BMPR1A: variants seen among roughly 807,000 people sequenced by gnomAD.
The protein encoded by BMPR1A is bone morphogenetic protein receptor type-1A.
BMPR1A carries 7 observed loss-of-function variants against 66.0 expected under a neutral mutation model. The observed-to-expected ratio is 0.11, with a 90% CI of 0.06 to 0.20. The LOEUF (loss-of-function observed/expected upper bound fraction) is 0.20. Ranked by LOEUF, BMPR1A falls within the 10% of genes least tolerant of loss-of-function variation. BMPR1A has a pLI of 1.00. For synonymous variants in BMPR1A, 200 were observed against 229.7 expected, an observed-to-expected ratio of 0.87 and a Z score of 1.17; for missense variants, 408 against 669.1, an observed-to-expected ratio of 0.61 and a Z score of 4.31.
intron 1 of BMPR1A, among the ~76,000 whole-genome samples, chr10:86,815,218 A>G (rs1344887688): frequency 1.3e-5 from 2 of 152,114 alleles, no homozygotes; most frequent in Non-Finnish European, 2.9e-5. Flanking sequence ...TTCTAATTTC[A>G]CAGAGTTATT....
chr10:86,789,080 T>C (rs1841561081), intron 1 of BMPR1A, among the ~76,000 whole-genome samples: 1 of 152,168 alleles, frequency 6.6e-6, no homozygotes, highest in African/African-American at 2.4e-5. Context: ...CTGGAAGAAT[T>C]AGATATTCAG....
intron 2 of BMPR1A, among the ~76,000 whole-genome samples, chr10:86,857,342 T>G (rs1048482520): frequency 6.6e-5 from 10 of 152,154 alleles, no homozygotes; most frequent in Non-Finnish European, 1.2e-4. Flanking sequence ...CCAAGGAAAT[T>G]CCATGAATTA....
At chr10:86,785,524 C>T (rs1841502298) in intron 1 of BMPR1A, among the ~76,000 whole-genome samples, 1 of 152,140 alleles carries the variant, frequency 6.6e-6, no homozygotes, top group African/African-American at 2.4e-5. Flanking sequence ...AGGCTGGTCC[C>T]GAACTCCTGA....
At chr10:86,761,793 G>C (rs965128259) in intron 1 of BMPR1A, among the ~76,000 whole-genome samples, 1 of 152,176 alleles carries the variant, frequency 6.6e-6, no homozygotes, top group Non-Finnish European at 1.5e-5. Flanking sequence ...ACAACTCCTG[G>C]ATTTCTAGCT....
intron 1 of BMPR1A, among the ~76,000 whole-genome samples, chr10:86,779,297 T>C (rs1841400587): frequency 6.6e-6 from 1 of 152,228 alleles, no homozygotes; most frequent in South Asian, 2.1e-4. Context: ...TTTGTAGTTA[T>C]TTGAGGAAAC....
chr10:86,805,883 G>T (rs1422987125), intron 1 of BMPR1A, among the ~76,000 whole-genome samples: 1 of 150,698 alleles, frequency 6.6e-6, no homozygotes, highest in Non-Finnish European at 1.5e-5. Flanking sequence ...TTTGTCAGTT[G>T]GCCCAACTGA....
chr10:86,890,291 A>G, intron 4 of BMPR1A, 67 bp downstream of exon 4: 1 of 1,588,794 alleles, frequency 6.3e-7, no homozygotes, highest in South Asian at 1.1e-5. Flanking sequence ...CTATTTTAAG[A>G]ATTATTAAAC....
At chr10:86,918,187 C>T (rs1229672374) in intron 9 of BMPR1A, among the ~76,000 whole-genome samples, 1 of 152,158 alleles carries the variant, frequency 6.6e-6, no homozygotes, top group Admixed American at 6.6e-5. Context: ...CCATTGAATT[C>T]GGGCCCACGC....
chr10:86,837,231 C>CTG (rs140440137), intron 1 of BMPR1A, among the ~76,000 whole-genome samples: 89 of 143,740 alleles, frequency 6.2e-4, no homozygotes, highest in Non-Finnish European at 9.6e-4. Flanking sequence ...TAGAATCAGG[C>CTG]TGTGTGTGTG....
chr10:86,902,658 G>A (rs952937615), intron 7 of BMPR1A, among the ~76,000 whole-genome samples: 1 of 152,176 alleles, frequency 6.6e-6, no homozygotes, highest in South Asian at 2.1e-4. Flanking sequence ...GCCAATCAAG[G>A]TGTCAGGCTG....
At chr10:86,813,723 C>T (rs979500400) in intron 1 of BMPR1A, among the ~76,000 whole-genome samples, 1 of 152,110 alleles carries the variant, frequency 6.6e-6, no homozygotes. Context: ...ACCCATTATG[C>T]GCCCTTGTAT....
chr10:86,892,062 C>T lies in BMPR1A; in HGVS notation c.231-65C>T, dbSNP rs1589764193. 2.2e-6 allele frequency: 3 copies of T among 1,338,328 alleles called. No individual in the cohort carries two copies. The South Asian group carries it at 3.7e-5, about 16-fold the overall frequency. The allele number at this position is 1,338,328 out of a possible 1,614,324, so 82.9% of individuals were successfully genotyped here. ...ATCTGTACCTGTTCACATTCAGACT[C>T]AAATTTCGTTAGTACTTTCTATGTG... On this transcript the variant is annotated intron_variant, in intron 4 of 12. Transcript: ENST00000372037.
At chr10:86,860,046 C>G (rs182100996) in intron 2 of BMPR1A, among the ~76,000 whole-genome samples, 3 of 152,162 alleles carry the variant, frequency 2.0e-5, no homozygotes, top group Admixed American at 2.0e-4. Context: ...CTGTGGCATG[C>G]ACCTGTAGTT....
chr10:86,825,054 A>G (rs969412069), intron 1 of BMPR1A, among the ~76,000 whole-genome samples: 2 of 151,974 alleles, frequency 1.3e-5, no homozygotes, highest in Non-Finnish European at 2.9e-5. Flanking sequence ...TATATTAGAA[A>G]TAATAGGACA....
At chr10:86,879,329 A>G (rs1842958428) in intron 3 of BMPR1A, among the ~76,000 whole-genome samples, 1 of 152,118 alleles carries the variant, frequency 6.6e-6, no homozygotes, top group African/African-American at 2.4e-5. Context: ...TCCCCAACAG[A>G]CTTCCTTCTA....
At chr10:86,844,684 G>A (rs1842462643) in intron 2 of BMPR1A, among the ~76,000 whole-genome samples, 1 of 152,166 alleles carries the variant, frequency 6.6e-6, no homozygotes. Context: ...AATTATACAT[G>A]TGTAAAACTG....
intron 3 of BMPR1A, among the ~76,000 whole-genome samples, chr10:86,877,081 T>C (rs1842928688): frequency 6.6e-6 from 1 of 152,198 alleles, no homozygotes; most frequent in Admixed American, 6.5e-5. Flanking sequence ...ACTTACTGGA[T>C]GTCTTCGTTC....
intron 8 of BMPR1A, 99 bp downstream of exon 8, chr10:86,912,483 TG>T: frequency 6.9e-7 from 1 of 1,455,182 alleles, no homozygotes; most frequent in Non-Finnish European, 9.6e-7. Context: ...GGAACAATAA[TG>T]GACACATTTT....
chr10:86,845,603 G>A (rs947529862), intron 2 of BMPR1A, among the ~76,000 whole-genome samples: 1 of 152,172 alleles, frequency 6.6e-6, no homozygotes, highest in Non-Finnish European at 1.5e-5. Flanking sequence ...GCACCACGAA[G>A]GTCTGCTGTG....
Sources: allele counts gnomAD v4.1 joint callset (sites outside exome capture counted in the v4.1 genomes callset), GRCh38; gene constraint gnomAD v4.1.1; transcripts MANE v1.5; gene names NCBI Gene and HGNC (gene_info 2026-07-23, HGNC 2026-07-21).